ACSM2A: variants seen among roughly 807,000 people sequenced by gnomAD.
ACSM2A encodes the protein acyl-CoA synthetase medium chain family member 2A, also known as acyl-coenzyme A synthetase ACSM2A, mitochondrial.
ACSM2A carries 72 observed loss-of-function variants against 76.6 expected under a neutral mutation model. The ratio of observed to expected loss-of-function variants is 0.94; its 90% CI spans 0.78 to 1.14. ACSM2A has a LOEUF of 1.14. Among genes scored for constraint, ACSM2A ranks in the 50% most tolerant of loss-of-function variants. The pLI is 0.00. For missense variants in ACSM2A, 684 were observed against 708.5 expected, an observed-to-expected ratio of 0.97 and a Z score of 0.39; for synonymous variants, 249 against 255.9, an observed-to-expected ratio of 0.97 and a Z score of 0.26.
intron 12 of ACSM2A, chr16:20,481,191 C>G: frequency 2.2e-6 from 1 of 464,292 alleles, no homozygotes; most frequent in South Asian, 3.2e-5. Flanking sequence ...CTAAACAGAA[C>G]TACCATACGA....
intron 2 of ACSM2A, among the ~76,000 whole-genome samples, chr16:20,464,314 G>T (rs1011437607): frequency 7.9e-5 from 12 of 151,956 alleles, no homozygotes; most frequent in African/African-American, 1.2e-4. Context: ...ACCAATTTTC[G>T]GTCTCAGACT....
rs754751978 is a variant in ACSM2A, at chr16:20,475,642, T to G, written c.975-8T>G. On this transcript the variant is annotated splice_polypyrimidine_tract_variant and splice_region_variant and intron_variant, in intron 7 of 13. Coordinates refer to ENST00000573854, the MANE Select transcript of ACSM2A (RefSeq NM_001308172.2). ...GGCTGAGGGCAAACATTTATTTCTC[T>G]TCTTCAGTTACAAGTTCCCCCATCT... is the stretch of plus-strand genomic sequence containing the variant. 1.1e-4 allele frequency: 178 copies of G among 1,613,840 alleles called. 3 individuals carry two copies. In the South Asian group the frequency reaches 1.9e-3, roughly 17 times the overall value.
chr16:20,471,569 G>A lies in ACSM2A; in HGVS notation c.774G>A (p.Trp258Ter). Residue 258 changes from tryptophan to a stop codon, truncating the protein, a stop_gained, in exon 6 of 14, where the codon TGG becomes TGA. Coordinates refer to ENST00000573854, the MANE Select transcript of ACSM2A (RefSeq NM_001308172.2). LOFTEE classifies it high-confidence loss of function. ...GCCTGCAAGCCTCTGATATAATGTG[G>A]ACCATATCAGACACAGGTTGGATAC... ...WTGLQASDIM[W>*]TISDTGWILN... The A allele has an allele frequency of 6.2e-7, 1 of 1,613,898 alleles. No individual in the cohort carries two copies. The highest frequency in any genetic ancestry group is 8.5e-7 in the Non-Finnish European group (1 of 1,179,892).
At chr16:20,460,685 A>T (rs1158011976) in intron 2 of ACSM2A, among the ~76,000 whole-genome samples, 1 of 146,178 alleles carries the variant, frequency 6.8e-6, no homozygotes, top group Non-Finnish European at 1.5e-5. Flanking sequence ...TCTACCAAAA[A>T]TGTTTAAAAC....
intron 3 of ACSM2A, among the ~76,000 whole-genome samples, chr16:20,467,897 C>T (rs577790930): frequency 1.2e-4 from 18 of 152,136 alleles, no homozygotes; most frequent in African/African-American, 3.4e-4. Flanking sequence ...CAGCAACCTC[C>T]TTCACAAACT....
intron 12 of ACSM2A, 84 bp from the exon 13 acceptor site, chr16:20,482,974 G>T: frequency 6.4e-7 from 1 of 1,566,654 alleles, no homozygotes; most frequent in Non-Finnish European, 8.7e-7. Flanking sequence ...AAGGGTGATG[G>T]AAGTCTTAAT....
intron 6 of ACSM2A, among the ~76,000 whole-genome samples, chr16:20,474,919 C>T (rs1364280955): frequency 1.3e-5 from 2 of 152,090 alleles, no homozygotes; most frequent in African/African-American, 4.8e-5. Context: ...AAATATATTC[C>T]AAAAATATTT....
intron 10 of ACSM2A, among the ~76,000 whole-genome samples, chr16:20,479,456 GT>G (rs201213949): frequency 1.3e-5 from 2 of 152,110 alleles, no homozygotes; most frequent in Admixed American, 6.5e-5. Context: ...GTTTGCTCGA[GT>G]TCAAAACCCT....
chr16:20,452,992 T>C (rs1224072041), intron 1 of ACSM2A, among the ~76,000 whole-genome samples: 2 of 152,030 alleles, frequency 1.3e-5, no homozygotes, highest in Non-Finnish European at 2.9e-5. Flanking sequence ...GATAAAGTGA[T>C]GAAAGAAAAT....
chr16:20,465,394 T>G, intron 2 of ACSM2A, 123 bp from the exon 3 acceptor site: 1 of 1,270,216 alleles, frequency 7.9e-7, no homozygotes, highest in Non-Finnish European at 1.1e-6. Flanking sequence ...CTTTTAAGAT[T>G]GTATGGAGGT....
intron 5 of ACSM2A, 86 bp from the exon 6 acceptor site, chr16:20,471,450 T>C: frequency 6.6e-7 from 1 of 1,523,880 alleles, no homozygotes; most frequent in Non-Finnish European, 8.9e-7. Context: ...CACACACACC[T>C]CCCTTTCCTC....
At chr16:20,485,922 T>C (rs916402411) in intron 13 of ACSM2A, among the ~76,000 whole-genome samples, 4 of 152,204 alleles carry the variant, frequency 2.6e-5, no homozygotes, top group Admixed American at 6.5e-5. Flanking sequence ...GATTTGGGAA[T>C]ATAAGAGATA....
chr16:20,462,592 T>C (rs2012691333), intron 2 of ACSM2A, among the ~76,000 whole-genome samples: 1 of 152,142 alleles, frequency 6.6e-6, no homozygotes, highest in Non-Finnish European at 1.5e-5. Flanking sequence ...ACATGTTTTG[T>C]TTTTGATTTT....
chr16:20,469,743 T>A (rs2013262461), intron 4 of ACSM2A, 24 bp downstream of exon 4: 3 of 1,613,298 alleles, frequency 1.9e-6, no homozygotes, highest in East Asian at 2.2e-5. Context: ...TGTCTCAGCC[T>A]GGGTTTTAAC....
At chr16:20,474,136 T>C (rs1322800945) in intron 6 of ACSM2A, 3 of 414,134 alleles carry the variant, frequency 7.2e-6, no homozygotes, top group Admixed American at 5.3e-5. Flanking sequence ...CCCTGACCAA[T>C]TTGGGCACGT....
At chr16:20,485,405 C>A (rs1416908201) in intron 13 of ACSM2A, among the ~76,000 whole-genome samples, 1 of 152,140 alleles carries the variant, frequency 6.6e-6, no homozygotes, top group African/African-American at 2.4e-5. Context: ...CTTCTCTCTT[C>A]ATGACAAGCA....
At chr16:20,477,668 C>T (rs1469623821) in intron 9 of ACSM2A, among the ~76,000 whole-genome samples, 2 of 152,152 alleles carry the variant, frequency 1.3e-5, no homozygotes, top group Admixed American at 1.3e-4. Flanking sequence ...GAAGGACCCA[C>T]TTTGAATAGC....
intron 2 of ACSM2A, among the ~76,000 whole-genome samples, chr16:20,461,752 T>A (rs1254432277): frequency 3.3e-5 from 5 of 152,216 alleles, no homozygotes; most frequent in Non-Finnish European, 7.3e-5. Context: ...TTTGCTGAAA[T>A]AACTTTTATG....
At chr16:20,478,333 C>G (rs1258088526) in intron 9 of ACSM2A, among the ~76,000 whole-genome samples, 2 of 152,118 alleles carry the variant, frequency 1.3e-5, no homozygotes, top group South Asian at 2.1e-4. Flanking sequence ...GCTCCTAGAG[C>G]CAAAAGCATC....
Sources: allele counts gnomAD v4.1 joint callset (sites outside exome capture counted in the v4.1 genomes callset), GRCh38; gene constraint gnomAD v4.1.1; transcripts MANE v1.5; gene names NCBI Gene and HGNC (gene_info 2026-07-23, HGNC 2026-07-21).